HEPACAM2: variants seen among roughly 807,000 people sequenced by gnomAD.
HEPACAM2 encodes the protein mitotic kinetics regulator.
In HEPACAM2, 49 loss-of-function variants were observed where a neutral mutation model predicts 49.6. The ratio of observed to expected loss-of-function variants is 0.99; its 90% confidence interval spans 0.78 to 1.25. The LOEUF (loss-of-function observed/expected upper bound fraction) is 1.25. Ranked by LOEUF, HEPACAM2 falls within the 50% of genes most tolerant of loss-of-function variation. The probability of loss-of-function intolerance (pLI) is 0.00; values close to 1 mark genes in which losing one functional copy is unlikely to be tolerated. For synonymous variants in HEPACAM2, 197 were observed against 202.9 expected, an observed-to-expected ratio of 0.97 and a Z score of 0.25; for missense variants, 525 against 557.2, an observed-to-expected ratio of 0.94 and a Z score of 0.58.
At position 93,219,438 on chromosome 7, in the gene HEPACAM2, C is replaced by A. The variant is rs563747542; in HGVS notation, c.93G>T (p.Gly31=). 1 of 1,613,892 alleles carries A rather than the reference C, an allele frequency of 6.2e-7. No homozygotes were observed. The highest frequency in any genetic ancestry group is 1.3e-5 in the African/African-American group (1 of 75,006). ...IYLLLFGACS[G]LKVTVPSHTV... is the part of the protein sequence containing the mutation. ...TGTGTGATGGCACTGTCACCTTCAG[C>A]CCCGAGCAAGCACCTGTTGCAAAGG... Residue 31 remains glycine, a synonymous_variant, in exon 2 of 10, where the codon GGG becomes GGT. Transcript: ENST00000394468.
intron 1 of HEPACAM2, among the ~76,000 whole-genome samples, chr7:93,225,254 T>C (rs1794518485): frequency 6.6e-6 from 1 of 152,154 alleles, no homozygotes; most frequent in Non-Finnish European, 1.5e-5. Context: ...ACAGTTATAA[T>C]AATTATTTAC....
At chr7:93,200,980 A>AT (rs577533530) in intron 4 of HEPACAM2, among the ~76,000 whole-genome samples, 33 of 152,110 alleles carry the variant, frequency 2.2e-4, no homozygotes, top group Non-Finnish European at 3.1e-4. Context: ...CTATGCAGAT[A>AT]TGACAGTTCA....
intron 3 of HEPACAM2, among the ~76,000 whole-genome samples, chr7:93,214,097 A>G (rs140282656): frequency 1.3e-5 from 2 of 152,276 alleles, no homozygotes; most frequent in East Asian, 3.9e-4. Flanking sequence ...AAGAAAAATT[A>G]TTAAATTAAT....
At chr7:93,226,340 C>G (rs1474513709) in intron 1 of HEPACAM2, 28 bp downstream of exon 1, 1 of 1,552,026 alleles carries the variant, frequency 6.4e-7, no homozygotes, top group African/African-American at 1.4e-5. Context: ...TAACAAACAG[C>G]TAAAACACAA....
chr7:93,225,603 G>T (rs533490074), intron 1 of HEPACAM2, among the ~76,000 whole-genome samples: 96 of 152,038 alleles, frequency 6.3e-4, no homozygotes, highest in Non-Finnish European at 9.3e-4. Flanking sequence ...AACAAAACAA[G>T]AAATTGATTT....
chr7:93,219,055 ACTACCATG>A (rs1445987393), intron 2 of HEPACAM2, 38 bp downstream of exon 2: 1 of 1,545,462 alleles, frequency 6.5e-7, no homozygotes, highest in East Asian at 2.3e-5. Context: ...GCCTTTGCTA[ACTACCATG>A]CTAGACTGCT....
rs529337905 is a variant in HEPACAM2 at position 93,218,415 on chromosome 7, G to C, written c.430+686C>G. Among the ~76,000 whole-genome samples, 14 of 152,172 alleles carry C rather than the reference G, an allele frequency of 9.2e-5. No individual in the cohort carries two copies. The South Asian group carries it at 2.9e-3, about 32-fold the overall frequency. On this transcript the variant is annotated intron_variant, in intron 2 of 9. Coordinates refer to ENST00000394468, the MANE Select transcript of HEPACAM2 (RefSeq NM_001039372.4). ...GGTAAAGCCAATAGGCTTTCCCGTG[G>C]ACTGGATGTGGGATGTGAGAAAAAG...
intron 4 of HEPACAM2, 72 bp downstream of exon 4, chr7:93,208,508 A>G: frequency 7.9e-7 from 1 of 1,267,050 alleles, no homozygotes; most frequent in Non-Finnish European, 1.1e-6. Context: ...ACCTAGGTAT[A>G]AGATAGGGGA....
rs749101527 is a variant in HEPACAM2, at chr7:93,215,603, A to G, written c.513T>C (p.His171=). The G allele has an allele frequency of 4.0e-5, 64 of 1,613,640 alleles. No individual in the cohort carries two copies. The highest frequency in any genetic ancestry group is 5.2e-5 in the Non-Finnish European group (61 of 1,179,836). ...AAGCTAGCCGAGTGCCCCCTTCCAC[A>G]TGGCATGTCAGGGTCATGTTCCCCA... The part of the protein sequence containing the change: ...EYVGNMTLTC[H]VEGGTRLAYQ... The change falls in exon 3 of 10, where the codon CAT becomes CAC. Residue 171 remains histidine (H), a synonymous_variant. Coordinates refer to ENST00000394468, the MANE Select transcript of HEPACAM2 (RefSeq NM_001039372.4).
chr7:93,228,092 G>A (rs1470576802), upstream of HEPACAM2, among the ~76,000 whole-genome samples: 2 of 152,078 alleles, frequency 1.3e-5, no homozygotes, highest in Non-Finnish European at 2.9e-5. Flanking sequence ...TCCAATTGCC[G>A]TTATCAAATT....
At chr7:93,228,413 A>G (rs1794575857), upstream of HEPACAM2, among the ~76,000 whole-genome samples, 1 of 152,116 alleles carries the variant, frequency 6.6e-6, no homozygotes, top group East Asian at 1.9e-4. Context: ...TGGGATAATC[A>G]TGACAAAGCG....
rs1403260111 is a variant in HEPACAM2 at position 93,215,704 on chromosome 7, T to G, written c.431-19A>C. 6.3e-7 allele frequency: 1 copy of G among 1,598,928 alleles called. No individual in the cohort carries two copies. Among genetic ancestry groups the G allele is most frequent in the Non-Finnish European group, 8.5e-7 (1 of 1,170,552 alleles). ...ACAGGATCTGCAATATTAAGAGAGA[T>G]ATGAATGATTTTTTCTTTTCATGGA... On this transcript the variant is annotated intron_variant, in intron 2 of 9. Transcript: ENST00000394468.
At chr7:93,211,157 C>T (rs1794169649) in intron 3 of HEPACAM2, among the ~76,000 whole-genome samples, 1 of 151,960 alleles carries the variant, frequency 6.6e-6, no homozygotes, top group African/African-American at 2.4e-5. Context: ...AGATTATCTT[C>T]AGCTAGAAAA....
intron 4 of HEPACAM2, among the ~76,000 whole-genome samples, chr7:93,208,341 T>C (rs936800522): frequency 1.3e-5 from 2 of 152,064 alleles, no homozygotes; most frequent in African/African-American, 4.8e-5. Flanking sequence ...ATTTGTGGAA[T>C]TCCCTTTTTC....
Position 93,189,196 on chromosome 7 carries a change from C to A in HEPACAM2, c.*71G>T. 8 of 1,355,038 alleles carry A rather than the reference C, an allele frequency of 5.9e-6. No homozygotes were observed. Among genetic ancestry groups the A allele is most frequent in the Non-Finnish European group, 8.4e-6 (8 of 953,876 alleles). 83.9% of individuals were successfully genotyped at this position (1,355,038 alleles called of 1,614,324 possible). The stretch of plus-strand genomic sequence containing the variant: ...TCTTCACTGATTCCAGATTAATATA[C>A]TTTTCCACTGTTTTTCCTTAAAATG... On this transcript the variant is annotated 3_prime_UTR_variant, in exon 10 of 10. Coordinates refer to ENST00000394468, the MANE Select transcript of HEPACAM2 (RefSeq NM_001039372.4).
intron 1 of HEPACAM2, among the ~76,000 whole-genome samples, chr7:93,223,204 T>C (rs1315950198): frequency 6.6e-6 from 1 of 152,212 alleles, no homozygotes; most frequent in African/African-American, 2.4e-5. Flanking sequence ...TTTTTTGTAA[T>C]TGACTTCCTT....
At chr7:93,198,822 ATC>A (rs1372066145) in intron 4 of HEPACAM2, among the ~76,000 whole-genome samples, 1 of 151,992 alleles carries the variant, frequency 6.6e-6, no homozygotes, top group Admixed American at 6.6e-5. Context: ...TCATCATAAA[ATC>A]TCTGCTGAGA....
intron 4 of HEPACAM2, among the ~76,000 whole-genome samples, chr7:93,202,439 CT>C (rs933984876): frequency 6.6e-6 from 1 of 151,910 alleles, no homozygotes; most frequent in Non-Finnish European, 1.5e-5. Flanking sequence ...GCAAGTTCAA[CT>C]TTTTTTCTGT....
intron 3 of HEPACAM2, among the ~76,000 whole-genome samples, chr7:93,214,142 G>T (rs1472147637): frequency 6.6e-6 from 1 of 152,068 alleles, no homozygotes; most frequent in Non-Finnish European, 1.5e-5. Context: ...TTATATGGTA[G>T]GTAGTAATTG....
Sources: gnomAD v4.1 joint callset for allele counts (sites outside exome capture counted in the v4.1 genomes callset) on GRCh38, gnomAD v4.1.1 for gene constraint, MANE v1.5 for transcripts, NCBI Gene and HGNC (gene_info 2026-07-23, HGNC 2026-07-21) for gene names.